Variants in PARD6G observed in about 807,000 individuals in gnomAD.
PARD6G encodes the protein partitioning defective 6 homolog gamma.
Under a neutral mutation model 10.7 loss-of-function variants are expected in PARD6G, and 7 were observed. The observed-to-expected ratio is 0.66, with a 90% CI of 0.37 to 1.23. The LOEUF (loss-of-function observed/expected upper bound fraction) is 1.23, where lower values mean the gene tolerates loss of function less well. Ranked by LOEUF, PARD6G falls within the 50% of genes most tolerant of loss-of-function variation. The pLI is 0.02. For synonymous variants in PARD6G, 287 were observed against 269.4 expected (o/e 1.07, Z -0.64); for missense variants, 548 against 571.8 (o/e 0.96, Z 0.42).
At chr18:80,233,538 G>A (rs929765781) in intron 1 of PARD6G, among the ~76,000 whole-genome samples, 4 of 152,234 alleles carry the variant, frequency 2.6e-5, no homozygotes, top group African/African-American at 7.2e-5. Context: ...ACACCAGCAA[G>A]GCATGAGGTC....
At chr18:80,227,110 C>T (rs1012058722) in intron 1 of PARD6G, among the ~76,000 whole-genome samples, 1 of 152,136 alleles carries the variant, frequency 6.6e-6, no homozygotes, top group Admixed American at 6.5e-5. Context: ...CTCACAACCA[C>T]CACACCCAGC....
Position 80,200,755 on chromosome 18 carries a change from G to A in PARD6G, c.295+1955C>T, listed in dbSNP as rs866219022. Among the ~76,000 whole-genome samples, 2 of 152,340 alleles carry A rather than the reference G, an allele frequency of 1.3e-5. No individual in the cohort carries two copies. The highest frequency in any genetic ancestry group is 4.1e-4 in the South Asian group (2 of 4,828). On this transcript the variant is annotated intron_variant, in intron 2 of 2. Transcript: ENST00000353265. The surrounding 1 kb of genome is among the most constrained non-coding windows in gnomAD (Gnocchi z 4.4). ...GGCCCCAGCCAGCAAGCTGGAAAGA[G>A]GCAGAGTGTCCGAGCTGCTGCTGGA... is the stretch of plus-strand genomic sequence containing the variant.
Position 80,179,303 on chromosome 18 carries a change from C to T in PARD6G, c.296-18697G>A, listed in dbSNP as rs534018957. On this transcript the variant is annotated intron_variant, in intron 2 of 2. Coordinates refer to ENST00000353265, the MANE Select transcript of PARD6G (RefSeq NM_032510.4). ...GCGCTGAAGTCACTCAGGTGAGCCT[C>T]GGTGAAGAAGCCTCAGACGCTCAGC... Among the ~76,000 whole-genome samples the T allele has an allele frequency of 7.5e-4, 114 of 151,734 alleles. 2 individuals carry two copies. Among genetic ancestry groups the T allele is most frequent in the African/African-American group, 2.6e-3 (108 of 41,356 alleles).
chr18:80,190,225 C>A (rs1371087500), intron 2 of PARD6G, among the ~76,000 whole-genome samples: 1 of 151,920 alleles, frequency 6.6e-6, no homozygotes, highest in East Asian at 1.9e-4. Context: ...AAGAAACGAC[C>A]CAAGCCACCT....
intron 1 of PARD6G, among the ~76,000 whole-genome samples, chr18:80,240,937 T>C (rs9957136): frequency 0.025 from 3,835 of 152,306 alleles, 159 homozygotes; most frequent in African/African-American, 0.088. Flanking sequence ...ACATGCCCTA[T>C]GCCTGCCACA....
At chr18:80,238,025 C>T (rs1967444348) in intron 1 of PARD6G, among the ~76,000 whole-genome samples, 1 of 152,192 alleles carries the variant, frequency 6.6e-6, no homozygotes, top group South Asian at 2.1e-4. Context: ...ATAAATCATG[C>T]TGCTATAAAG....
At position 80,184,944 on chromosome 18, in the gene PARD6G, A is replaced by G. The variant is rs1373762523; in HGVS notation, c.295+17766T>C. On this transcript the variant is annotated intron_variant, in intron 2 of 2. Transcript: ENST00000353265. The surrounding 1 kb of genome is among the most constrained non-coding windows in gnomAD (Gnocchi z 4.5). ...TCGGATGCTGACTTAGGTCTCAATAAAGCTAAAAAATAAGGTGGCTCCTTC... is the reference window on the plus strand; with the variant it reads ...TCGGATGCTGACTTAGGTCTCAATAGAGCTAAAAAATAAGGTGGCTCCTTC... 1 of 152,122 alleles carries G rather than the reference A, an allele frequency of 6.6e-6. No homozygotes were observed. The highest frequency in any genetic ancestry group is 1.5e-5 in the Non-Finnish European group (1 of 68,012). 9.4% of individuals were successfully genotyped at this position (152,122 alleles called of 1,614,324 possible). A position where few individuals can be genotyped will look rare whatever the true frequency, so the allele number is the denominator to read the frequency against.
intron 2 of PARD6G, chr18:80,178,117 C>T (rs1029494280): frequency 6.0e-6 from 1 of 167,140 alleles, no homozygotes; most frequent in Non-Finnish European, 1.5e-5. Context: ...AAGACCCACC[C>T]AGCACACGTG....
Position 80,160,123 on chromosome 18 carries a change from C to T in PARD6G, c.779G>A (p.Gly260Asp), listed in dbSNP as rs760337648. Residue 260 changes from glycine to aspartate, a missense_variant, in exon 3 of 3, where the codon GGC becomes GAC. Around this residue, in one of 2 missense-constraint regions of PARD6G, gnomAD observed 313 missense variants for 279.9 expected, o/e 1.12. Transcript: ENST00000353265. ...ANQRNNVVRG[G>D]RALGSSGPPS... Reference sequence around the variant, plus strand: ...CGGTCCCGAGCTGCCCAACGCGCGGCCGCCGCGCACCACGTTGTTGCGCTG... The same window carrying T: ...CGGTCCCGAGCTGCCCAACGCGCGGTCGCCGCGCACCACGTTGTTGCGCTG... The T allele has an allele frequency of 6.2e-7, 1 of 1,611,962 alleles. No homozygotes were observed. The highest frequency in any genetic ancestry group is 8.5e-7 in the Non-Finnish European group (1 of 1,179,264).
At chr18:80,194,330 AT>A (rs1966930212) in intron 2 of PARD6G, among the ~76,000 whole-genome samples, 1 of 152,158 alleles carries the variant, frequency 6.6e-6, no homozygotes, top group South Asian at 2.1e-4. Context: ...AAGGTGCCAA[AT>A]GGGCCCTAAC....
Position 80,200,889 on chromosome 18 carries a change from G to A in PARD6G, c.295+1821C>T, listed in dbSNP as rs909641011. 1.3e-5 allele frequency among the ~76,000 whole-genome samples: 2 copies of A among 152,160 alleles called. No individual in the cohort carries two copies. Among genetic ancestry groups the A allele is most frequent in the African/African-American group, 2.4e-5 (1 of 41,428 alleles). On this transcript the variant is annotated intron_variant, in intron 2 of 2. Coordinates refer to ENST00000353265, the MANE Select transcript of PARD6G (RefSeq NM_032510.4). The surrounding 1 kb of genome is among the most constrained non-coding windows in gnomAD (Gnocchi z 4.4). ...AGACGCCTGGGGCCCACCTCCAAAG[G>A]GCACAGTGCCTTCTGCTGGCCTTCA...
At chr18:80,229,097 C>T (rs1211541693) in intron 1 of PARD6G, among the ~76,000 whole-genome samples, 4 of 152,096 alleles carry the variant, frequency 2.6e-5, no homozygotes, top group African/African-American at 9.7e-5. Context: ...TGCCACCACA[C>T]CCGGCTAATT....
chr18:80,171,324 G>A (rs1314678270), intron 2 of PARD6G: 4 of 152,096 alleles, frequency 2.6e-5, no homozygotes, highest in Admixed American at 1.3e-4. Context: ...CCACCCTCCT[G>A]GGAAGTCTCC....
chr18:80,240,501 C>G (rs867610795), intron 1 of PARD6G, among the ~76,000 whole-genome samples: 1 of 152,180 alleles, frequency 6.6e-6, no homozygotes, highest in African/African-American at 2.4e-5. Context: ...CAATGCTGAG[C>G]TCTTCCTTAC....
At chr18:80,160,666 C>T (rs1366178458) in intron 2 of PARD6G, 60 bp from the exon 3 acceptor site, 4 of 1,425,804 alleles carry the variant, frequency 2.8e-6, no homozygotes, top group East Asian at 5.2e-5. Flanking sequence ...AGCCCTCGGC[C>T]GTCATACACC....
intron 1 of PARD6G, among the ~76,000 whole-genome samples, chr18:80,229,592 T>A (rs1967335566): frequency 6.6e-6 from 1 of 152,228 alleles, no homozygotes; most frequent in Non-Finnish European, 1.5e-5. Flanking sequence ...TGCACTCTCA[T>A]GGGAGTCAGG....
chr18:80,238,257 T>A (rs1450470836), intron 1 of PARD6G, among the ~76,000 whole-genome samples: 1 of 152,008 alleles, frequency 6.6e-6, no homozygotes, highest in Non-Finnish European at 1.5e-5. Flanking sequence ...AACCAAACAC[T>A]GCATGTTCTC....
chr18:80,239,071 C>G (rs1967460700), intron 1 of PARD6G, among the ~76,000 whole-genome samples: 3 of 152,048 alleles, frequency 2.0e-5, no homozygotes, highest in Non-Finnish European at 4.4e-5. Flanking sequence ...GGGAGTGGAG[C>G]CCTCCCCTCT....
chr18:80,161,090 CCA>C lies in PARD6G; in HGVS notation c.296-486_296-485del, dbSNP rs2052698109. On this transcript the variant is annotated intron_variant, in intron 2 of 2. Coordinates refer to ENST00000353265, the MANE Select transcript of PARD6G (RefSeq NM_032510.4). This position sits in a 1 kb window ranked among gnomAD's most constrained non-coding sequence, Gnocchi z 4.6. ...TCTTCTTTTCTATGCGCAAGCCCCACCACAGTGTCTTCTAGCCAGCATTCAAG... is the reference window on the plus strand; with the variant it reads ...TCTTCTTTTCTATGCGCAAGCCCCACCAGTGTCTTCTAGCCAGCATTCAAG... Among the ~76,000 whole-genome samples the C allele has an allele frequency of 6.6e-6, 1 of 152,210 alleles. No homozygotes were observed. Among genetic ancestry groups the C allele is most frequent in the South Asian group, 2.1e-4 (1 of 4,834 alleles).
Sources: gnomAD v4.1 joint callset for allele counts (sites outside exome capture counted in the v4.1 genomes callset) on GRCh38, gnomAD v4.1.1 for gene constraint, gnomAD v4.1.1 regional missense constraint, Gnocchi (gnomAD v3.1) non-coding constraint, MANE v1.5 for transcripts, NCBI Gene and HGNC (gene_info 2026-07-23, HGNC 2026-07-21) for gene names.